Variants in COL23A1 observed in about 807,000 individuals in gnomAD.
COL23A1 encodes collagen type XXIII alpha 1 chain.
In COL23A1, 97 loss-of-function variants were observed where a neutral mutation model predicts 99.3. That is an observed-to-expected ratio of 0.98 (90% CI 0.83 to 1.16). The LOEUF (loss-of-function observed/expected upper bound fraction) is 1.16, where lower values mean the gene tolerates loss of function less well. COL23A1 is among the 50% of genes most tolerant of loss of function. The pLI, the probability that COL23A1 is intolerant of heterozygous loss-of-function variation, is 0.00. For synonymous variants in COL23A1, 320 were observed against 308.2 expected, an observed-to-expected ratio of 1.04 and a Z score of -0.40; for missense variants, 762 against 757.4, an observed-to-expected ratio of 1.01 and a Z score of -0.07.
At chr5:178,460,553 GGT>G (rs1488552890) in intron 2 of COL23A1, among the ~76,000 whole-genome samples, 3 of 152,194 alleles carry the variant, frequency 2.0e-5, no homozygotes, top group Non-Finnish European at 4.4e-5. Context: ...TCCAAATCCT[GGT>G]GTGGCTCTCT....
At chr5:178,278,091 G>C (rs1189248435) in intron 5 of COL23A1, among the ~76,000 whole-genome samples, 1 of 152,208 alleles carries the variant, frequency 6.6e-6, no homozygotes. Flanking sequence ...GCAGCTGACG[G>C]GAAGTGTGAC....
chr5:178,291,090 T>C (rs373254176), intron 3 of COL23A1, among the ~76,000 whole-genome samples: 44 of 152,240 alleles, frequency 2.9e-4, no homozygotes, highest in African/African-American at 1.1e-3. Flanking sequence ...TGGGGCCACA[T>C]CGTTGATTAT....
chr5:178,495,032 G>T (rs1758126197), intron 2 of COL23A1, among the ~76,000 whole-genome samples: 1 of 152,206 alleles, frequency 6.6e-6, no homozygotes, highest in Non-Finnish European at 1.5e-5. Flanking sequence ...CAAAGCTGGG[G>T]TCACCAGAGA....
intron 2 of COL23A1, among the ~76,000 whole-genome samples, chr5:178,339,671 G>T (rs191626328): frequency 1.3e-5 from 2 of 152,214 alleles, no homozygotes; most frequent in African/African-American, 2.4e-5. Flanking sequence ...AAACATGAGT[G>T]GGGGGACGTG....
chr5:178,343,253 C>A (rs1760769552), intron 2 of COL23A1, among the ~76,000 whole-genome samples: 1 of 152,142 alleles, frequency 6.6e-6, no homozygotes, highest in Non-Finnish European at 1.5e-5. Flanking sequence ...GCCTCCACCC[C>A]CATCAATTAG....
In COL23A1 at chr5:178,365,573, C is replaced by A. The variant is rs1376515349; in HGVS notation, c.362-58654G>T. On this transcript the variant is annotated intron_variant, in intron 2 of 28. Coordinates refer to ENST00000390654, the MANE Select transcript of COL23A1 (RefSeq NM_173465.4). The surrounding 1 kb of genome is among the most constrained non-coding windows in gnomAD (Gnocchi z 5.2). ...GGGTCCTCAGGTCTGGCTGGGCCCA[C>A]CTGGCTGCTTCCTGGTCTCTACCAC... 1.3e-5 allele frequency among the ~76,000 whole-genome samples: 2 copies of A among 152,196 alleles called. No individual in the cohort carries two copies. The highest frequency in any genetic ancestry group is 6.5e-5 in the Admixed American group (1 of 15,280).
intron 9 of COL23A1, among the ~76,000 whole-genome samples, chr5:178,262,679 T>C (rs1194990181): frequency 3.9e-5 from 6 of 152,036 alleles, no homozygotes; most frequent in Non-Finnish European, 8.8e-5. Flanking sequence ...TGAGATACTA[T>C]TGGGGAGCAT....
At position 178,509,194 on chromosome 5, in the gene COL23A1, G is replaced by A. The variant is rs563731398; in HGVS notation, c.361+51488C>T. ...CACCCCCGCCCACCCCACCGGCATC[G>A]GACCTCCGGAATCAGAACCTGCATT... is the stretch of plus-strand genomic sequence containing the variant. On this transcript the variant is annotated intron_variant, in intron 2 of 28. Transcript: ENST00000390654. Among the ~76,000 whole-genome samples the A allele has an allele frequency of 6.2e-5, 7 of 112,034 alleles. No individual in the cohort carries two copies. In the East Asian group the frequency reaches 8.8e-4, roughly 14 times the overall value. The allele number at this position is 112,034 out of a possible 152,430, so 73.5% of individuals were successfully genotyped here.
At chr5:178,267,086 C>T (rs774939877) in intron 8 of COL23A1, among the ~76,000 whole-genome samples, 22 of 152,222 alleles carry the variant, frequency 1.4e-4, no homozygotes, top group Non-Finnish European at 2.6e-4. Context: ...AGCATGGAGA[C>T]CTGGCCGTCT....
chr5:178,545,982 C>G (rs1761556011), intron 2 of COL23A1, among the ~76,000 whole-genome samples: 1 of 152,126 alleles, frequency 6.6e-6, no homozygotes, highest in Non-Finnish European at 1.5e-5. Flanking sequence ...GGCTCAAGTT[C>G]CCAGAGCTGG....
intron 14 of COL23A1, 104 bp downstream of exon 14, chr5:178,256,762 G>T: frequency 8.6e-7 from 1 of 1,159,006 alleles, no homozygotes; most frequent in Non-Finnish European, 1.2e-6. Context: ...GCCCTCCTGG[G>T]ACTTAAAAGG....
chr5:178,379,010 T>G (rs1367656989), intron 2 of COL23A1, among the ~76,000 whole-genome samples: 1 of 152,184 alleles, frequency 6.6e-6, no homozygotes, highest in Non-Finnish European at 1.5e-5. Flanking sequence ...TAGACTTTAT[T>G]TATCTCACTT....
intron 1 of COL23A1, among the ~76,000 whole-genome samples, chr5:178,570,982 CA>C (rs1464868778): frequency 6.6e-6 from 1 of 152,112 alleles, no homozygotes; most frequent in Non-Finnish European, 1.5e-5. Flanking sequence ...GATTCTAGGG[CA>C]CCGCAGACAG....
At chr5:178,251,007 T>C (rs1378547344) in intron 17 of COL23A1, among the ~76,000 whole-genome samples, 1 of 146,680 alleles carries the variant, frequency 6.8e-6, no homozygotes, top group Non-Finnish European at 1.5e-5. Flanking sequence ...AAAGAGTATG[T>C]TCTCTAATCG....
chr5:178,296,545 C>A (rs1757753860), intron 3 of COL23A1, among the ~76,000 whole-genome samples: 2 of 152,156 alleles, frequency 1.3e-5, no homozygotes, highest in Non-Finnish European at 2.9e-5. Context: ...ACCCAGGCCC[C>A]CTTTCTTGGC....
chr5:178,364,148 G>A (rs1414514631), intron 2 of COL23A1, among the ~76,000 whole-genome samples: 1 of 152,168 alleles, frequency 6.6e-6, no homozygotes, highest in African/African-American at 2.4e-5. Flanking sequence ...AGCCGCGTGT[G>A]CTTTTCTGCA....
chr5:178,536,198 G>C (rs1235632026), intron 2 of COL23A1, among the ~76,000 whole-genome samples: 2 of 152,370 alleles, frequency 1.3e-5, no homozygotes, highest in East Asian at 1.9e-4. Context: ...CCCTCGGCTG[G>C]GGACGCGGCT....
At chr5:178,508,094 T>C (rs1416055113) in intron 2 of COL23A1, among the ~76,000 whole-genome samples, 1 of 152,178 alleles carries the variant, frequency 6.6e-6, no homozygotes, top group Admixed American at 6.5e-5. Context: ...TTATATCCTA[T>C]CTTCCAGTTT....
chr5:178,238,989 T>A, intron 28 of COL23A1, 152 bp downstream of exon 28: 1 of 914,104 alleles, frequency 1.1e-6, no homozygotes, highest in Non-Finnish European at 1.7e-6. Context: ...AAAACCAGGG[T>A]CATGATGGGA....
Sources: allele counts gnomAD v4.1 joint callset (sites outside exome capture counted in the v4.1 genomes callset), GRCh38; gene constraint gnomAD v4.1.1; non-coding constraint Gnocchi (gnomAD v3.1); transcripts MANE v1.5; gene names NCBI Gene and HGNC (gene_info 2026-07-23, HGNC 2026-07-21).